METTL15: variants seen among roughly 807,000 people sequenced by gnomAD.
METTL15 encodes the protein 12S rRNA N(4)-cytidine methyltransferase METTL15.
METTL15 carries 34 observed loss-of-function variants against 38.3 expected under a neutral mutation model. The observed-to-expected ratio is 0.89, with a 90% confidence interval of 0.68 to 1.18. METTL15 has a LOEUF of 1.18. Ranked by LOEUF, METTL15 falls within the 50% of genes most tolerant of loss-of-function variation. METTL15 has a pLI of 0.00. For missense variants in METTL15, 438 were observed against 498.4 expected (o/e 0.88, Z 1.15); for synonymous variants, 162 against 170.9 (o/e 0.95, Z 0.41).
intron 6 of METTL15, among the ~76,000 whole-genome samples, chr11:28,299,707 G>A (rs2134006806): frequency 6.6e-6 from 1 of 152,206 alleles, no homozygotes; most frequent in East Asian, 1.9e-4. Flanking sequence ...TCCTGTATGG[G>A]TTTCCTCGGG....
At chr11:28,308,892 G>GTAGGTAGGTAGATAGA (rs72449461) in intron 6 of METTL15, among the ~76,000 whole-genome samples, 2 of 146,896 alleles carry the variant, frequency 1.4e-5, no homozygotes, top group African/African-American at 5.0e-5. Flanking sequence ...AGGTAGGTAG[G>GTAGGTAGGTAGATAGA]TAGATAGATA....
chr11:28,238,170 A>T (rs1434345299), intron 4 of METTL15, among the ~76,000 whole-genome samples: 1 of 152,194 alleles, frequency 6.6e-6, no homozygotes, highest in Non-Finnish European at 1.5e-5. Flanking sequence ...TGCAGAGGTT[A>T]CTGCTGTCTT....
intron 5 of METTL15, among the ~76,000 whole-genome samples, chr11:28,402,471 G>A (rs1452103937): frequency 6.6e-6 from 1 of 151,670 alleles, no homozygotes; most frequent in East Asian, 1.9e-4. Context: ...AATCCTTCTG[G>A]ATCTATACCC....
intron 6 of METTL15, among the ~76,000 whole-genome samples, chr11:28,426,080 C>T (rs1302048931): frequency 6.6e-6 from 1 of 152,112 alleles, no homozygotes; most frequent in South Asian, 2.1e-4. Context: ...GCTATTCTTC[C>T]TAATGCTCTT....
At chr11:28,343,400 C>T (rs564273929) in intron 3 of METTL15, among the ~76,000 whole-genome samples, 2 of 152,264 alleles carry the variant, frequency 1.3e-5, no homozygotes, top group Non-Finnish European at 2.9e-5. Context: ...TCAGTCAGTT[C>T]TTTAAAGTAG....
At chr11:28,364,939 C>T (rs149665050) in intron 5 of METTL15, among the ~76,000 whole-genome samples, 204 of 152,158 alleles carry the variant, frequency 1.3e-3, no homozygotes, top group African/African-American at 4.7e-3. Context: ...TATGATCTTA[C>T]GGTTTTTGTT....
intron 6 of METTL15, among the ~76,000 whole-genome samples, chr11:28,483,765 T>C (rs1851416275): frequency 6.6e-6 from 1 of 152,196 alleles, no homozygotes; most frequent in African/African-American, 2.4e-5. Context: ...TTTTCTAAGG[T>C]AGTTTTCACA....
intron 4 of METTL15, among the ~76,000 whole-genome samples, chr11:28,228,360 C>T (rs1419578510): frequency 6.6e-6 from 1 of 151,898 alleles, no homozygotes; most frequent in Non-Finnish European, 1.5e-5. Flanking sequence ...TACTTAACCA[C>T]TCTGCTACTC....
intron 6 of METTL15, among the ~76,000 whole-genome samples, chr11:28,473,038 G>A (rs1167505142): frequency 6.6e-6 from 1 of 152,152 alleles, no homozygotes; most frequent in Non-Finnish European, 1.5e-5. Flanking sequence ...AAAGGAGGCA[G>A]GCCAGCTAAC....
rs561418178 is a variant in METTL15, at chr11:28,354,860, T to C, written c.*258+2702T>C. Among the ~76,000 whole-genome samples, 6 of 152,334 alleles carry C rather than the reference T, an allele frequency of 3.9e-5. No homozygotes were observed. The South Asian group carries it at 1.2e-3, about 32-fold the overall frequency. On this transcript the variant is annotated intron_variant and NMD_transcript_variant, in intron 4 of 7. Transcript: ENST00000532947. Reference sequence around the variant, plus strand: ...AAAGTATGTTGCCAACAAAAATGTTTAGAGAATCACTATGGAAGGGAGTAG... The same window carrying C: ...AAAGTATGTTGCCAACAAAAATGTTCAGAGAATCACTATGGAAGGGAGTAG...
At chr11:28,218,249 A>G (rs1440457998) in intron 4 of METTL15, among the ~76,000 whole-genome samples, 5 of 152,094 alleles carry the variant, frequency 3.3e-5, no homozygotes, top group Non-Finnish European at 7.4e-5. Flanking sequence ...CGTGGTTTGT[A>G]GTTGTCCTGG....
chr11:28,460,601 C>T (rs1361871031), intron 6 of METTL15, among the ~76,000 whole-genome samples: 2 of 152,048 alleles, frequency 1.3e-5, no homozygotes, highest in Non-Finnish European at 2.9e-5. Context: ...ATTGGAATAT[C>T]TACTATATAT....
At chr11:28,271,597 G>T (rs979436234) in intron 4 of METTL15, among the ~76,000 whole-genome samples, 1 of 151,874 alleles carries the variant, frequency 6.6e-6, no homozygotes, top group Non-Finnish European at 1.5e-5. Context: ...CCCACCCACC[G>T]CAAGATTGGA....
rs529853983 is a variant in METTL15 at position 28,151,948 on chromosome 11, G to T, written c.270+38344G>T. Among the ~76,000 whole-genome samples the T allele has an allele frequency of 9.7e-4, 147 of 152,088 alleles. 3 individuals are homozygous for T. In the South Asian group the frequency reaches 0.03, roughly 31 times the overall value. ...TTATTGGTCCCACCCTCTTCCTTCA[G>T]ATTTCAATAATCAAATATAGTTATT... is the stretch of plus-strand genomic sequence containing the variant. On this transcript the variant is annotated intron_variant, in intron 3 of 6. Coordinates refer to ENST00000407364, the MANE Select transcript of METTL15 (RefSeq NM_001113528.2).
chr11:28,202,358 G>C (rs1852148632), intron 3 of METTL15, among the ~76,000 whole-genome samples: 1 of 152,006 alleles, frequency 6.6e-6, no homozygotes, highest in Non-Finnish European at 1.5e-5. Context: ...CCCTCCTCCA[G>C]TTTAGTCCAT....
intron 3 of METTL15, among the ~76,000 whole-genome samples, chr11:28,131,347 G>A (rs976287256): frequency 4.6e-5 from 7 of 151,990 alleles, no homozygotes; most frequent in Admixed American, 3.3e-4. Flanking sequence ...TTCTTTCCTC[G>A]CACCATCTCT....
intron 3 of METTL15, among the ~76,000 whole-genome samples, chr11:28,180,331 G>A (rs942612831): frequency 1.3e-5 from 2 of 151,752 alleles, no homozygotes; most frequent in African/African-American, 4.8e-5. Context: ...AACAATCCTG[G>A]ATTCAGCAGA....
intron 4 of METTL15, among the ~76,000 whole-genome samples, chr11:28,361,396 T>C (rs1401656203): frequency 6.6e-6 from 1 of 152,186 alleles, no homozygotes; most frequent in East Asian, 1.9e-4. Flanking sequence ...TGATTTGCAT[T>C]TCTCTGATGG....
Position 28,332,731 on chromosome 11 carries a change from A to G in METTL15, c.*1890A>G, listed in dbSNP as rs1849849755. 1 of 151,780 alleles carries G rather than the reference A, an allele frequency of 6.6e-6. No homozygotes were observed. The highest frequency in any genetic ancestry group is 2.4e-5 in the African/African-American group (1 of 41,130). The allele number at this position is 151,780 out of a possible 1,614,324, so 9.4% of individuals were successfully genotyped here. ...CACTGTGGGAGGCCAAGCCAGGCAA[A>G]TCGCTTGAGGCTGAGGAGTTCAAGA... On this transcript the variant is annotated 3_prime_UTR_variant, in exon 7 of 7. Coordinates refer to ENST00000407364, the MANE Select transcript of METTL15 (RefSeq NM_001113528.2).
Sources: gnomAD v4.1 joint callset for allele counts (sites outside exome capture counted in the v4.1 genomes callset) on GRCh38, gnomAD v4.1.1 for gene constraint, MANE v1.5 for transcripts, NCBI Gene and HGNC (gene_info 2026-07-23, HGNC 2026-07-21) for gene names.